The following ITPA variants were observed in gnomAD, a reference collection of about 807,000 sequenced individuals.
ITPA encodes inosine triphosphatase.
In ITPA, 29 loss-of-function variants were observed where a neutral mutation model predicts 29.6. The ratio of observed to expected loss-of-function variants is 0.98; its 90% CI spans 0.73 to 1.34. The LOEUF (loss-of-function observed/expected upper bound fraction) is 1.34. Ranked by LOEUF, ITPA falls within the 40% of genes most tolerant of loss-of-function variation. ITPA has a pLI of 0.00. For synonymous variants in ITPA, 103 were observed against 99.3 expected, an observed-to-expected ratio of 1.04 and a Z score of -0.22; for missense variants, 241 against 251.5, an observed-to-expected ratio of 0.96 and a Z score of 0.28.
chr20:3,209,408 G>C, upstream of ITPA: 1 of 797,108 alleles, frequency 1.3e-6, no homozygotes. The surrounding 1 kb of genome is among the most constrained non-coding windows in gnomAD (Gnocchi z 4.6). Flanking sequence ...CCACTCGCCC[G>C]ATACGCGCCT....
Position 3,213,317 on chromosome 20 carries a change from A to C in ITPA, c.125-2A>C. ...TTTCTGTGTGTCTGTTTCCCTGATA[A>C]GTGCCGGAGTACCAGGGGGAGCCGG... On this transcript the variant is annotated splice_acceptor_variant, in intron 2 of 7. Transcript: ENST00000380113. LOFTEE classifies it high-confidence loss of function. 1 of 1,614,020 alleles carries C rather than the reference A, an allele frequency of 6.2e-7. No individual in the cohort carries two copies. Among genetic ancestry groups the C allele is most frequent in the Non-Finnish European group, 8.5e-7 (1 of 1,179,932 alleles).
chr20:3,212,302 A>G (rs868059290), intron 1 of ITPA, among the ~76,000 whole-genome samples: 6 of 152,086 alleles, frequency 3.9e-5, no homozygotes, highest in African/African-American at 1.4e-4. Context: ...CAATCTACCA[A>G]TGTATGAGTA....
chr20:3,212,575 C>T (rs1370750344), intron 1 of ITPA, among the ~76,000 whole-genome samples: 9 of 152,170 alleles, frequency 5.9e-5, no homozygotes, highest in Admixed American at 5.9e-4. Context: ...CCCACCTTGG[C>T]CTCCAAAAGT....
chr20:3,205,251 C>A (rs944884895), upstream of ITPA, among the ~76,000 whole-genome samples: 5 of 152,116 alleles, frequency 3.3e-5, no homozygotes, highest in African/African-American at 1.2e-4. Context: ...ACACCAACTT[C>A]AGGATAGCGA....
At position 3,211,122 on chromosome 20, in the gene ITPA, C is replaced by T. The variant is rs114945536; in HGVS notation, c.66+1505C>T. Among the ~76,000 whole-genome samples the T allele has an allele frequency of 6.3e-4, 95 of 150,164 alleles. 1 individual carries two copies. Among genetic ancestry groups the T allele is most frequent in the Middle Eastern group, 6.9e-3 (2 of 288 alleles). ...GGCACTAGAGTAGCCAAGGGAGACT[C>T]CTTGGAGAACATGGACTTGAACACT... On this transcript the variant is annotated intron_variant, in intron 1 of 7. Transcript: ENST00000380113.
At chr20:3,217,430 A>G (rs1394463313) in intron 5 of ITPA, among the ~76,000 whole-genome samples, 1 of 152,044 alleles carries the variant, frequency 6.6e-6, no homozygotes, top group Non-Finnish European at 1.5e-5. Context: ...CAGACATCAT[A>G]TCATCAGTAA....
chr20:3,210,545 G>A (rs1258027959), intron 1 of ITPA, among the ~76,000 whole-genome samples: 2 of 152,134 alleles, frequency 1.3e-5, no homozygotes, highest in African/African-American at 4.8e-5. Flanking sequence ...TAATCACTAG[G>A]GACACCTACA....
At chr20:3,205,183 CAT>C (rs2067062202), upstream of ITPA, among the ~76,000 whole-genome samples, 1 of 152,180 alleles carries the variant, frequency 6.6e-6, no homozygotes, top group African/African-American at 2.4e-5. Context: ...AACAATCCCA[CAT>C]AGTGTTTATG....
At chr20:3,205,120 G>A (rs191211738), upstream of ITPA, among the ~76,000 whole-genome samples, 863 of 152,274 alleles carry the variant, frequency 5.7e-3, 2 homozygotes, top group Non-Finnish European at 9.4e-3. Flanking sequence ...AAAGTGCTGG[G>A]ATTACAGGCG....
At chr20:3,204,836 G>A (rs117183229), upstream of ITPA, among the ~76,000 whole-genome samples, 106 of 152,062 alleles carry the variant, frequency 7.0e-4, 3 homozygotes, top group East Asian at 0.014. Flanking sequence ...CAGACGGTAT[G>A]TCCAGTAGAA....
chr20:3,209,449 C>T (rs2067120020), upstream of ITPA: 2 of 1,141,394 alleles, frequency 1.8e-6, no homozygotes, highest in Non-Finnish European at 2.6e-6. The surrounding 1 kb of genome is among the most constrained non-coding windows in gnomAD (Gnocchi z 4.6). Context: ...CCCGGGACCC[C>T]TGGCCGGAAA....
upstream of ITPA, chr20:3,204,697 T>TC (rs1190528303): frequency 1.4e-5 from 21 of 1,469,614 alleles, no homozygotes; most frequent in African/African-American, 4.2e-5. Context: ...CGCCCCTATT[T>TC]CCCAATCTAG....
upstream of ITPA, chr20:3,204,691 C>A: frequency 6.7e-7 from 1 of 1,489,176 alleles, no homozygotes. Context: ...AGGCCCCGCC[C>A]CTATTTCCCA....
chr20:3,222,118 T>A (rs66724923), intron 7 of ITPA, among the ~76,000 whole-genome samples: 38,084 of 152,058 alleles, frequency 0.25, 5,767 homozygotes, highest in South Asian at 0.5. Flanking sequence ...GGCAGCCAGA[T>A]GGCACTGAGA....
At chr20:3,216,019 G>A (rs2122354239) in intron 5 of ITPA, among the ~76,000 whole-genome samples, 1 of 148,898 alleles carries the variant, frequency 6.7e-6, no homozygotes, top group South Asian at 2.1e-4. Flanking sequence ...TTGAGATGGA[G>A]TCTCACTGTC....
upstream of ITPA, chr20:3,204,687 C>T (rs2067058820): frequency 2.0e-6 from 3 of 1,499,418 alleles, no homozygotes; most frequent in East Asian, 4.9e-5. Flanking sequence ...TCATAGGCCC[C>T]GCCCCTATTT....
chr20:3,218,700 C>G, intron 6 of ITPA, 68 bp downstream of exon 6: 1 of 1,242,046 alleles, frequency 8.1e-7, no homozygotes, highest in Non-Finnish European at 1.2e-6. Flanking sequence ...GAGCCGACCG[C>G]CCCGAGTCTG....
intron 6 of ITPA, among the ~76,000 whole-genome samples, chr20:3,221,532 T>C (rs2067461975): frequency 6.6e-6 from 1 of 152,030 alleles, no homozygotes; most frequent in Admixed American, 6.6e-5. Flanking sequence ...TCTTTCAAAG[T>C]AGCCTCATTG....
downstream of ITPA, among the ~76,000 whole-genome samples, chr20:3,224,573 G>A (rs1207222396): frequency 6.6e-6 from 1 of 152,180 alleles, no homozygotes; most frequent in Non-Finnish European, 1.5e-5. Flanking sequence ...GCAAGCCCCG[G>A]CTGGGTTAAA....
Sources: allele counts gnomAD v4.1 joint callset (sites outside exome capture counted in the v4.1 genomes callset), GRCh38; gene constraint gnomAD v4.1.1; non-coding constraint Gnocchi (gnomAD v3.1); transcripts MANE v1.5; gene names NCBI Gene and HGNC (gene_info 2026-07-23, HGNC 2026-07-21).